The following GNPTG variants were observed in gnomAD, a reference collection of about 807,000 sequenced individuals.
The protein encoded by GNPTG is N-acetylglucosamine-1-phosphotransferase subunit gamma.
In GNPTG, 46 loss-of-function variants were observed where a neutral mutation model predicts 43.8. The ratio of observed to expected loss-of-function variants is 1.05; its 90% CI spans 0.83 to 1.34. The LOEUF (loss-of-function observed/expected upper bound fraction) is 1.34, where lower values mean the gene tolerates loss of function less well. Ranked by LOEUF, GNPTG falls within the 40% of genes most tolerant of loss-of-function variation. The pLI is 0.00. For synonymous variants in GNPTG, 250 were observed against 172.8 expected, an observed-to-expected ratio of 1.45 and a Z score of -3.50; for missense variants, 549 against 411.3, an observed-to-expected ratio of 1.33 and a Z score of -2.90.
intron 3 of GNPTG, among the ~76,000 whole-genome samples, chr16:1,359,961 TAGCC>T (rs763083769): frequency 5.3e-5 from 8 of 151,958 alleles, no homozygotes; most frequent in Non-Finnish European, 1.2e-4. Context: ...ATACAAAAAT[TAGCC>T]AGCCGTGATG....
chr16:1,362,828 C>A lies in GNPTG; in HGVS notation c.745C>A (p.His249Asn). 6.2e-7 allele frequency: 1 copy of A among 1,613,950 alleles called. No homozygotes were observed. Among genetic ancestry groups the A allele is most frequent in the South Asian group, 1.1e-5 (1 of 91,076 alleles). ...FETLENCRKA[H>N]KELSKEIKRL... Reference sequence around the variant, plus strand: ...GAACTCTTTTTGTGGTTGGTAGGCTCATAAAGAACTCTCAAAGGAGATCAA... The same window carrying A: ...GAACTCTTTTTGTGGTTGGTAGGCTAATAAAGAACTCTCAAAGGAGATCAA... Residue 249 changes from histidine to asparagine, a missense_variant, in exon 10 of 11, where the codon CAT (histidine) becomes AAT (asparagine). Physicochemically the swap from His to Asn is moderately conservative, Grantham distance 68 (BLOSUM62 1). Coordinates refer to ENST00000204679, the MANE Select transcript of GNPTG (RefSeq NM_032520.5).
At chr16:1,362,764 G>GT in intron 9 of GNPTG, 22 bp downstream of exon 9, 4 of 1,614,108 alleles carry the variant, frequency 2.5e-6, no homozygotes, top group Non-Finnish European at 3.4e-6. Flanking sequence ...GGGGGAGGTG[G>GT]TGGCACGCAG....
Position 1,362,621 on chromosome 16 carries a change from A to G in GNPTG, c.620A>G (p.Lys207Arg), listed in dbSNP as rs969196696. 1 of 1,614,162 alleles carries G rather than the reference A, an allele frequency of 6.2e-7. No individual in the cohort carries two copies. The highest frequency in any genetic ancestry group is 8.5e-7 in the Non-Finnish European group (1 of 1,180,036). ...DELITPQGHE[K>R]LLRTLFEDAG... is the part of the protein sequence containing the mutation. The stretch of plus-strand genomic sequence containing the variant: ...ATCCTCCACCTTCAGGGCCATGAGA[A>G]GTTGCTGAGGACACTTTTTGAGGAT... The change falls in exon 9 of 11, where the codon AAG (lysine) becomes AGG (arginine). Residue 207 changes from lysine to arginine, a missense_variant. Coordinates refer to ENST00000204679, the MANE Select transcript of GNPTG (RefSeq NM_032520.5).
At position 1,362,684 on chromosome 16, in the gene GNPTG, C is replaced by T. The variant is rs754489307; in HGVS notation, c.683C>T (p.Thr228Ile). Residue 228 changes from threonine to isoleucine, a missense_variant, in exon 9 of 11, where the codon ACC becomes ATC. By Grantham distance (89) the Thr-to-Ile change is moderately conservative (BLOSUM62 -1). Coordinates refer to ENST00000204679, the MANE Select transcript of GNPTG (RefSeq NM_032520.5). ...YLKTPEENEP[T>I]QLEGGPDSLG... ...AAGACCCCAGAAGAAAATGAACCCA[C>T]CCAGCTGGAGGGAGGTCCTGACAGC... 38 of 1,614,036 alleles carry T rather than the reference C, an allele frequency of 2.4e-5. 2 individuals carry two copies. The South Asian group carries it at 4.0e-4, about 17-fold the overall frequency.
Position 1,352,118 on chromosome 16 carries a change from T to C in GNPTG, c.69T>C (p.Gly23=). The change falls in exon 2 of 11, where the codon GGT becomes GGC. Residue 23 remains glycine (G), a synonymous_variant. Coordinates refer to ENST00000204679, the MANE Select transcript of GNPTG (RefSeq NM_032520.5). Reference sequence around the variant, plus strand: ...TCCCCGTAGGGCCCGCGCCGGCAGGTGCAGCGAAGATGAAGGTGGTGGAGG... The same window carrying C: ...TCCCCGTAGGGCCCGCGCCGGCAGGCGCAGCGAAGATGAAGGTGGTGGAGG... ...GLSAGGPAPA[G]AAKMKVVEEP... is the part of the protein sequence containing the mutation. 6.3e-7 allele frequency: 1 copy of C among 1,578,402 alleles called. No individual in the cohort carries two copies. The highest frequency in any genetic ancestry group is 8.6e-7 in the Non-Finnish European group (1 of 1,164,122).
rs1458148273 is a variant in GNPTG, at chr16:1,363,702, GCCA to G, written c.*615_*617del. 2 of 168,198 alleles carry G rather than the reference GCCA, an allele frequency of 1.2e-5. No homozygotes were observed. Among genetic ancestry groups the G allele is most frequent in the African/African-American group, 4.8e-5 (2 of 41,560 alleles). 10.4% of individuals were successfully genotyped at this position (168,198 alleles called of 1,614,324 possible). A position where few individuals can be genotyped will look rare whatever the true frequency, so the allele number is the denominator to read the frequency against. On this transcript the variant is annotated 3_prime_UTR_variant, in exon 11 of 11. Coordinates refer to ENST00000204679, the MANE Select transcript of GNPTG (RefSeq NM_032520.5). Reference sequence around the variant, plus strand: ...CCTAGGAGCCATCCCTGAGGCCATGGCCACCAAGACAGGTGAGGGAGGCCCCAG... The same window carrying G: ...CCTAGGAGCCATCCCTGAGGCCATGGCCAAGACAGGTGAGGGAGGCCCCAG...
chr16:1,352,192 G>A (rs1335206739), intron 2 of GNPTG, 33 bp downstream of exon 2: 3 of 1,555,652 alleles, frequency 1.9e-6, no homozygotes, highest in East Asian at 4.8e-5. Flanking sequence ...GGCTCGAGCG[G>A]GGGACGGCCC....
chr16:1,353,580 G>C (rs1567180241), intron 3 of GNPTG, among the ~76,000 whole-genome samples: 2 of 152,326 alleles, frequency 1.3e-5, no homozygotes, highest in East Asian at 3.9e-4. Context: ...CTGGAGTGCA[G>C]TAGTGCAATC....
Position 1,362,398 on chromosome 16 carries a change from G to A in GNPTG, c.527-54G>A, listed in dbSNP as rs2034914710. 15 of 1,610,700 alleles carry A rather than the reference G, an allele frequency of 9.3e-6. No homozygotes were observed. The South Asian group carries it at 9.9e-5, about 11-fold the overall frequency. ...CTGCTGGAGGCCCTGTAGTGCTGGG[G>A]GCCAGGGTTGGGACATGGGGTGCAG... On this transcript the variant is annotated intron_variant, in intron 7 of 10. Transcript: ENST00000204679.
rs752212692 is a variant in GNPTG, at chr16:1,351,944, G to A, written c.-22G>A. ...CACGTGACCGTCACTTCACGTGACC[G>A]CGCGGCGGCCGCTGCGGCGCGATGG... On this transcript the variant is annotated 5_prime_UTR_variant, in exon 1 of 11. Coordinates refer to ENST00000204679, the MANE Select transcript of GNPTG (RefSeq NM_032520.5). The A allele has an allele frequency of 2.3e-6, 3 of 1,278,550 alleles. No homozygotes were observed. Among genetic ancestry groups the A allele is most frequent in the South Asian group, 5.5e-5 (2 of 36,662 alleles). 79.2% of individuals were successfully genotyped at this position (1,278,550 alleles called of 1,614,324 possible). A position where few individuals can be genotyped will look rare whatever the true frequency, so the allele number is the denominator to read the frequency against.
intron 3 of GNPTG, among the ~76,000 whole-genome samples, chr16:1,360,181 T>C (rs2034845295): frequency 6.6e-6 from 1 of 152,174 alleles, no homozygotes; most frequent in Admixed American, 6.5e-5. Flanking sequence ...GCGTGGATAA[T>C]TGTGGTGTCT....
In GNPTG at chr16:1,363,076, G is replaced by A. The variant is rs141807632; in HGVS notation, c.903G>A (p.Leu301=). Residue 301 remains leucine, a synonymous_variant, in exon 11 of 11, where the codon CTG becomes CTA. Coordinates refer to ENST00000204679, the MANE Select transcript of GNPTG (RefSeq NM_032520.5). ...SPEQLRGDPG[L]RGSL ...AGCAGCTGCGGGGTGACCCAGGACTGCGTGGGAGTTTGTGACCTTGTGGTG... is the reference window on the plus strand; with the variant it reads ...AGCAGCTGCGGGGTGACCCAGGACTACGTGGGAGTTTGTGACCTTGTGGTG... 828 of 1,613,928 alleles carry A rather than the reference G, an allele frequency of 5.1e-4. 1 individual carries two copies. Among genetic ancestry groups the A allele is most frequent in the Non-Finnish European group, 6.4e-4 (758 of 1,180,008 alleles).
chr16:1,353,314 G>T (rs1177490673), intron 3 of GNPTG, among the ~76,000 whole-genome samples: 2 of 152,204 alleles, frequency 1.3e-5, no homozygotes, highest in Non-Finnish European at 2.9e-5. Flanking sequence ...ATGTGTTAGG[G>T]TCTGTGCTGG....
In GNPTG at chr16:1,363,185, C is replaced by G. The variant is rs2034971991; in HGVS notation, c.*94C>G. On this transcript the variant is annotated 3_prime_UTR_variant, in exon 11 of 11. Transcript: ENST00000204679. ...CAGGGACCAGCTGACCAGGCTTGTG[C>G]TCAGAGAAGCAGACAAAACAAAGAT... 2.9e-6 allele frequency: 3 copies of G among 1,029,278 alleles called. No individual in the cohort carries two copies. The highest frequency in any genetic ancestry group is 4.5e-6 in the Non-Finnish European group (3 of 673,386). The allele number at this position is 1,029,278 out of a possible 1,614,324, so 63.8% of individuals were successfully genotyped here.
At chr16:1,354,608 A>AAAAAAAAAAAAAAC (rs1567180533) in intron 3 of GNPTG, among the ~76,000 whole-genome samples, 61 of 149,198 alleles carry the variant, frequency 4.1e-4, no homozygotes, top group South Asian at 1.1e-3. Context: ...AAAAAAAAAA[A>AAAAAAAAAAAAAAC]ACCCATAAAA....
rs754010312 is a variant in GNPTG at position 1,361,755 on chromosome 16, T to G, written c.191T>G (p.Leu64Arg). 1.2e-6 allele frequency: 2 copies of G among 1,614,116 alleles called. No homozygotes were observed. Among genetic ancestry groups the G allele is most frequent in the South Asian group, 2.2e-5 (2 of 91,088 alleles). ...AGGTCTCTTCCAGGACCCGTGCATC[T>G]CTTCCGACTCTCGGGCAAGTGCTTC... is the stretch of plus-strand genomic sequence containing the variant. ...DPSPVSGPVH[L>R]FRLSGKCFSL... The change falls in exon 4 of 11, where the codon CTC (leucine) becomes CGC (arginine). Residue 64 changes from leucine (L) to arginine (R), a missense_variant. By Grantham distance (102) the Leu-to-Arg change is moderately radical. Coordinates refer to ENST00000204679, the MANE Select transcript of GNPTG (RefSeq NM_032520.5).
rs201581049 is a variant in GNPTG at position 1,352,941 on chromosome 16, TAAATA to T, written c.178+636_178+640del. Among the ~76,000 whole-genome samples the T allele has an allele frequency of 9.9e-5, 15 of 150,860 alleles. No homozygotes were observed. In the East Asian group the frequency reaches 2.7e-3, roughly 28 times the overall value. On this transcript the variant is annotated intron_variant, in intron 3 of 10. Coordinates refer to ENST00000204679, the MANE Select transcript of GNPTG (RefSeq NM_032520.5). ...TATCATTTAAACGCTGAATGAGTAT[TAAATA>T]TAATAGACAAAAATCCAAGAATTTT...
chr16:1,354,159 C>A (rs924874778), intron 3 of GNPTG, among the ~76,000 whole-genome samples: 4 of 148,950 alleles, frequency 2.7e-5, no homozygotes, highest in African/African-American at 1.0e-4. Context: ...CGGGCCACCA[C>A]CTATCCCAAG....
rs2034993978 is a variant in GNPTG at position 1,363,464 on chromosome 16, C to G, written c.*373C>G. 3.0e-6 allele frequency: 1 copy of G among 338,724 alleles called. No individual in the cohort carries two copies. Among genetic ancestry groups the G allele is most frequent in the Non-Finnish European group, 5.7e-6 (1 of 174,130 alleles). The allele number at this position is 338,724 out of a possible 1,614,324, so 21.0% of individuals were successfully genotyped here. A position where few individuals can be genotyped will look rare whatever the true frequency, so the allele number is the denominator to read the frequency against. On this transcript the variant is annotated 3_prime_UTR_variant, in exon 11 of 11. Transcript: ENST00000204679. ...TTGAGGCGTCCACGCGGAACAAGGT[C>G]TGCTGACCACAGTTACACACGTCGT...
Sources: allele counts gnomAD v4.1 joint callset (sites outside exome capture counted in the v4.1 genomes callset), GRCh38; gene constraint gnomAD v4.1.1; transcripts MANE v1.5; gene names NCBI Gene and HGNC (gene_info 2026-07-23, HGNC 2026-07-21).